The following GLRA2 variants were observed in gnomAD, a reference collection of about 807,000 sequenced individuals.
The protein encoded by GLRA2 is glycine receptor alpha 2.
Under a neutral mutation model 31.6 loss-of-function variants are expected in GLRA2, and 11 were observed. The observed-to-expected ratio is 0.35, with a 90% CI of 0.22 to 0.58. GLRA2 has a LOEUF of 0.58. GLRA2 is among the 20% of genes least tolerant of loss of function. The pLI, the probability that GLRA2 is intolerant of heterozygous loss-of-function variation, is 0.84. For synonymous variants in GLRA2, 132 were observed against 134.0 expected (o/e 0.99, Z 0.10); for missense variants, 212 against 351.8 (o/e 0.60, Z 3.18).
chrX:14,559,573 C>T (rs1243478871), intron 2 of GLRA2, among the ~76,000 whole-genome samples: 14 of 107,375 alleles, frequency 1.3e-4, no homozygotes, highest in African/African-American at 4.8e-4. Context: ...CCCGCCACCA[C>T]GCCTGGCTAA....
At chrX:14,696,875 G>A (rs2091455044) in intron 8 of GLRA2, among the ~76,000 whole-genome samples, 1 of 112,100 alleles carries the variant, frequency 8.9e-6, no homozygotes, top group African/African-American at 3.2e-5. Flanking sequence ...TCTTAAGTTT[G>A]TGTATGGCTA....
intron 6 of GLRA2, among the ~76,000 whole-genome samples, chrX:14,608,504 ACTT>A (rs1393554407): frequency 9.0e-6 from 1 of 111,333 alleles, no homozygotes; most frequent in Non-Finnish European, 1.9e-5. Flanking sequence ...AAACTGTACT[ACTT>A]TGGAGGAAAT....
chrX:14,625,353 G>A (rs757077638), intron 7 of GLRA2, among the ~76,000 whole-genome samples: 4 of 111,116 alleles, frequency 3.6e-5, no homozygotes, highest in African/African-American at 1.3e-4. Context: ...TTACATTTAA[G>A]GTTAATATTG....
At chrX:14,663,934 G>A (rs1040760203) in intron 7 of GLRA2, among the ~76,000 whole-genome samples, 2 of 110,559 alleles carry the variant, frequency 1.8e-5, no homozygotes, top group Admixed American at 9.6e-5. Flanking sequence ...TCCCATTATT[G>A]TTTCTTATTT....
chrX:14,678,293 T>A (rs1211483929), intron 7 of GLRA2, among the ~76,000 whole-genome samples: 1 of 112,560 alleles, frequency 8.9e-6, no homozygotes, highest in Admixed American at 9.4e-5. Context: ...CCACAGTAAT[T>A]CCTAAGCAGA....
intron 4 of GLRA2, among the ~76,000 whole-genome samples, chrX:14,585,820 A>T (rs1189432869): frequency 8.9e-6 from 1 of 112,234 alleles, no homozygotes; most frequent in Non-Finnish European, 1.9e-5. Context: ...TACCAAATAA[A>T]AACCCTAAAA....
chrX:14,642,594 G>GT (rs1569515098), intron 7 of GLRA2, among the ~76,000 whole-genome samples: 5 of 107,894 alleles, frequency 4.6e-5, no homozygotes, highest in African/African-American at 1.7e-4. Flanking sequence ...ATCTGGTCAT[G>GT]ATTTTTTTTT....
chrX:14,549,654 G>A (rs1325322227), intron 2 of GLRA2, among the ~76,000 whole-genome samples: 2 of 111,726 alleles, frequency 1.8e-5, no homozygotes, highest in Non-Finnish European at 1.9e-5. Flanking sequence ...TTGAGCAACT[G>A]AGCAGACAGT....
At chrX:14,512,900 G>C in the GLRA2 span, among the ~76,000 whole-genome samples, 1 of 110,936 alleles carries the variant, frequency 9.0e-6, no homozygotes, top group South Asian at 3.8e-4. Flanking sequence ...TCTCAGAACA[G>C]AACTAGAAAA....
At chrX:14,611,954 A>G (rs779267714) in intron 7 of GLRA2, among the ~76,000 whole-genome samples, 1 of 112,163 alleles carries the variant, frequency 8.9e-6, no homozygotes, top group Admixed American at 9.5e-5. Flanking sequence ...TCAGACTTGA[A>G]GCAGAATCCA....
At chrX:14,541,167 T>C (rs1278022810) in intron 2 of GLRA2, among the ~76,000 whole-genome samples, 1 of 111,867 alleles carries the variant, frequency 8.9e-6, no homozygotes, top group East Asian at 2.8e-4. Flanking sequence ...GAAGATTTAA[T>C]GCCAAGTCTC....
At chrX:14,714,727 G>A (rs1310626754) in intron 8 of GLRA2, among the ~76,000 whole-genome samples, 2 of 112,487 alleles carry the variant, frequency 1.8e-5, no homozygotes, top group Non-Finnish European at 3.8e-5. Flanking sequence ...GGCAATGAAG[G>A]TGATGTTGTA....
intron 8 of GLRA2, among the ~76,000 whole-genome samples, chrX:14,720,142 ATAATT>A (rs1007103479): frequency 2.7e-5 from 3 of 111,425 alleles, no homozygotes; most frequent in Non-Finnish European, 5.7e-5. Context: ...ACAGTAAACA[ATAATT>A]TATTGTATTT....
the GLRA2 span, among the ~76,000 whole-genome samples, chrX:14,454,570 TAAAA>T: frequency 1.1e-5 from 1 of 87,675 alleles, no homozygotes; most frequent in Non-Finnish European, 2.3e-5. Flanking sequence ...GCCCTCAAGG[TAAAA>T]AAAAAAAAAA....
Position 14,730,223 on chromosome X carries a change from G to A in GLRA2, c.1097G>A (p.Arg366His), listed in dbSNP as rs903978447. 10 of 1,200,115 alleles carry A rather than the reference G, an allele frequency of 8.3e-6. No homozygotes were observed. The highest frequency in any genetic ancestry group is 2.2e-5 in the Admixed American group (1 of 45,555). Residue 366 changes from arginine to histidine, a missense_variant, in exon 9 of 9, where the codon CGT becomes CAT. Around this residue, in one of 5 missense-constraint regions of GLRA2, gnomAD observed 25 missense variants for 20.8 expected, o/e 1.20. Coordinates refer to ENST00000218075, the MANE Select transcript of GLRA2 (RefSeq NM_002063.4). ...TTCCGTCAGGAAGAAGACGTTACTC[G>A]TGAAAGTCGTTTTAATTTTAGCGGT... Reference protein sequence around the residue: ...KRQNKEEDVTRESRFNFSGYG... With the variant: ...KRQNKEEDVTHESRFNFSGYG...
chrX:14,547,436 G>T (rs1185708611), intron 2 of GLRA2, among the ~76,000 whole-genome samples: 1 of 111,295 alleles, frequency 9.0e-6, no homozygotes, highest in Non-Finnish European at 1.9e-5. Flanking sequence ...CTGTGTTTAG[G>T]TTCTTTACTA....
chrX:14,671,187 G>A (rs1393432674), intron 7 of GLRA2, among the ~76,000 whole-genome samples: 1 of 111,545 alleles, frequency 9.0e-6, no homozygotes, highest in Non-Finnish European at 1.9e-5. Flanking sequence ...AGCCAGCCAG[G>A]CATAGGATAT....
chrX:14,610,621 T>C (rs902118569), intron 7 of GLRA2, among the ~76,000 whole-genome samples: 1 of 111,932 alleles, frequency 8.9e-6, no homozygotes, highest in African/African-American at 3.2e-5. Context: ...TTATTATTAG[T>C]CATTAGCTAT....
At chrX:14,622,542 G>T (rs919393212) in intron 7 of GLRA2, among the ~76,000 whole-genome samples, 22 of 111,906 alleles carry the variant, frequency 2.0e-4, no homozygotes, top group African/African-American at 7.1e-4. Context: ...AAGGTGTAAG[G>T]AAGGGATCCA....
Sources: gnomAD v4.1 joint callset for allele counts (sites outside exome capture counted in the v4.1 genomes callset) on GRCh38, gnomAD v4.1.1 for gene constraint, gnomAD v4.1.1 regional missense constraint, MANE v1.5 for transcripts, NCBI Gene and HGNC (gene_info 2026-07-23, HGNC 2026-07-21) for gene names.